FSTL5: variants seen among roughly 807,000 people sequenced by gnomAD.
FSTL5 encodes follistatin-related protein 5.
In FSTL5, 62 loss-of-function variants were observed where a neutral mutation model predicts 89.1. The observed-to-expected ratio is 0.70, with a 90% CI of 0.57 to 0.86. The LOEUF is 0.86. Among genes scored for constraint, FSTL5 ranks in the 40% least tolerant of loss-of-function variants. The pLI is 0.00. For synonymous variants in FSTL5, 383 were observed against 346.2 expected (o/e 1.11, Z -1.18); for missense variants, 1,057 against 1,001.6 (o/e 1.06, Z -0.75).
Position 161,479,133 on chromosome 4 carries a change from G to A in FSTL5, c.1608+1887C>T, listed in dbSNP as rs1391675536. 3.9e-5 allele frequency among the ~76,000 whole-genome samples: 6 copies of A among 152,076 alleles called. No homozygotes were observed. In the East Asian group the frequency reaches 1.2e-3, roughly 29 times the overall value. On this transcript the variant is annotated intron_variant, in intron 13 of 15. Transcript: ENST00000306100. Reference sequence around the variant, plus strand: ...CCCCAATTTATCAACCTATAAAAATGTGTTTAGATACTAAGTTGAAAAATC... The same window carrying A: ...CCCCAATTTATCAACCTATAAAAATATGTTTAGATACTAAGTTGAAAAATC...
chr4:161,562,355 A>G (rs983988268), intron 8 of FSTL5, among the ~76,000 whole-genome samples: 1 of 151,992 alleles, frequency 6.6e-6, no homozygotes, highest in Non-Finnish European at 1.5e-5. Context: ...TAGCCTGTCA[A>G]TTTCTGACAG....
At chr4:161,896,089 G>C (rs1297655764) in intron 4 of FSTL5, among the ~76,000 whole-genome samples, 2 of 152,000 alleles carry the variant, frequency 1.3e-5, no homozygotes, top group Non-Finnish European at 1.5e-5. Flanking sequence ...TCAAATATCT[G>C]TTTAGCCTTC....
rs181895859 is a variant in FSTL5 at position 161,902,870 on chromosome 4, A to C, written c.409+17534T>G. On this transcript the variant is annotated intron_variant, in intron 4 of 15. Transcript: ENST00000306100. ...TCTCAAAATAATAACAATAATAATA[A>C]TTTCCAAAATAAAAACTTCTGTGGG... is the stretch of plus-strand genomic sequence containing the variant. 9.0e-4 allele frequency among the ~76,000 whole-genome samples: 137 copies of C among 152,164 alleles called. 1 individual carries two copies. Among genetic ancestry groups the C allele is most frequent in the African/African-American group, 3.0e-3 (124 of 41,514 alleles).
intron 8 of FSTL5, among the ~76,000 whole-genome samples, chr4:161,569,953 G>C (rs532492819): frequency 1.3e-5 from 2 of 152,272 alleles, no homozygotes; most frequent in African/African-American, 4.8e-5. Context: ...GGAGGAGAAA[G>C]AATGGATACG....
At chr4:161,462,419 A>G (rs189702205) in intron 13 of FSTL5, among the ~76,000 whole-genome samples, 33 of 152,354 alleles carry the variant, frequency 2.2e-4, no homozygotes, top group Admixed American at 5.9e-4. Context: ...GCAAGCAATA[A>G]AATCCTAATG....
At chr4:161,919,938 T>C (rs1367190584) in intron 4 of FSTL5, among the ~76,000 whole-genome samples, 3 of 152,228 alleles carry the variant, frequency 2.0e-5, no homozygotes, top group Non-Finnish European at 1.5e-5. Flanking sequence ...CTTCTAGTTA[T>C]TTCAGTGGGC....
At chr4:161,556,395 A>G (rs1199404239) in intron 8 of FSTL5, among the ~76,000 whole-genome samples, 1 of 151,580 alleles carries the variant, frequency 6.6e-6, no homozygotes, top group African/African-American at 2.4e-5. Flanking sequence ...CCGTTTGTGT[A>G]AGAAACAGAA....
intron 3 of FSTL5, among the ~76,000 whole-genome samples, chr4:161,973,545 T>C (rs1341212710): frequency 1.3e-5 from 2 of 152,228 alleles, no homozygotes; most frequent in South Asian, 2.1e-4. Context: ...TTATGTATAA[T>C]GCCATAAGAT....
intron 2 of FSTL5, among the ~76,000 whole-genome samples, chr4:162,061,939 T>C (rs1352680638): frequency 6.6e-6 from 1 of 152,094 alleles, no homozygotes; most frequent in Admixed American, 6.6e-5. Context: ...ATTTAAAAAA[T>C]GTAAATAGTG....
chr4:161,666,343 C>A (rs979011110), intron 6 of FSTL5, among the ~76,000 whole-genome samples: 1 of 152,016 alleles, frequency 6.6e-6, no homozygotes, highest in Non-Finnish European at 1.5e-5. Context: ...AAAATTTAAG[C>A]CAAAACCCTT....
In FSTL5 at chr4:162,063,191, T is replaced by C. The variant is rs554435366; in HGVS notation, c.127-29533A>G. ...ATTTGTTGTTATTGTCTCATTTCATTAGATTTTCCCTCTTCCCCTTTTTTC... is the reference window on the plus strand; with the variant it reads ...ATTTGTTGTTATTGTCTCATTTCATCAGATTTTCCCTCTTCCCCTTTTTTC... On this transcript the variant is annotated intron_variant, in intron 2 of 15. Transcript: ENST00000306100. 4.6e-5 allele frequency among the ~76,000 whole-genome samples: 7 copies of C among 151,982 alleles called. No homozygotes were observed. In the East Asian group the frequency reaches 1.4e-3, roughly 29 times the overall value.
chr4:161,454,919 T>C, intron 15 of FSTL5, 85 bp downstream of exon 15: 6 of 1,281,024 alleles, frequency 4.7e-6, no homozygotes, highest in Non-Finnish European at 6.6e-6. Context: ...TTGTTTCATA[T>C]CTAAGTTTCT....
intron 13 of FSTL5, among the ~76,000 whole-genome samples, chr4:161,469,295 A>G (rs535828750): frequency 1.2e-4 from 18 of 152,292 alleles, no homozygotes; most frequent in African/African-American, 4.3e-4. Context: ...TTGCATTTAT[A>G]AAGCATATTT....
chr4:161,764,691 A>C (rs1249997974), intron 5 of FSTL5, among the ~76,000 whole-genome samples: 1 of 152,164 alleles, frequency 6.6e-6, no homozygotes, highest in East Asian at 1.9e-4. Flanking sequence ...AGTTGAAGAG[A>C]TATCATTATT....
At chr4:161,919,801 T>C (rs1733941629) in intron 4 of FSTL5, among the ~76,000 whole-genome samples, 1 of 139,396 alleles carries the variant, frequency 7.2e-6, no homozygotes, top group Non-Finnish European at 1.6e-5. Context: ...AAAAATAATG[T>C]ATGGAATTAC....
At chr4:161,559,412 C>T (rs1732508911) in intron 8 of FSTL5, among the ~76,000 whole-genome samples, 1 of 151,468 alleles carries the variant, frequency 6.6e-6, no homozygotes, top group Non-Finnish European at 1.5e-5. Context: ...TACTTTTCTT[C>T]ATTGTCCTTT....
intron 4 of FSTL5, among the ~76,000 whole-genome samples, chr4:161,828,674 G>A (rs1484722376): frequency 6.7e-6 from 1 of 149,194 alleles, no homozygotes; most frequent in Non-Finnish European, 1.5e-5. Context: ...TCTGGGGATT[G>A]AGTCATATAT....
chr4:161,920,521 T>G lies in FSTL5; in HGVS notation c.292A>C (p.Lys98Gln), dbSNP rs1733964188. The G allele has an allele frequency of 1.9e-6, 3 of 1,614,076 alleles. No homozygotes were observed. In the East Asian group the frequency reaches 6.7e-5, roughly 36 times the overall value. Residue 98 changes from lysine to glutamine, a missense_variant, in exon 4 of 16, where the codon AAA (lysine) becomes CAA (glutamine). Coordinates refer to ENST00000306100, the MANE Select transcript of FSTL5 (RefSeq NM_020116.5). ...ACMDLCKRHY[K>Q]PVCGSDGEFY... Reference sequence around the variant, plus strand: ...TCTCCGTCAGATCCACACACAGGTTTGTAGTGACGTTTGCAAAGGTCCATA... The same window carrying G: ...TCTCCGTCAGATCCACACACAGGTTGGTAGTGACGTTTGCAAAGGTCCATA...
chr4:161,834,014 C>A (rs1307892470), intron 4 of FSTL5, among the ~76,000 whole-genome samples: 1 of 151,908 alleles, frequency 6.6e-6, no homozygotes, highest in African/African-American at 2.4e-5. Flanking sequence ...GAGAATTTTA[C>A]ACCAATATCC....
Sources: gnomAD v4.1 joint callset for allele counts (sites outside exome capture counted in the v4.1 genomes callset) on GRCh38, gnomAD v4.1.1 for gene constraint, MANE v1.5 for transcripts, NCBI Gene and HGNC (gene_info 2026-07-23, HGNC 2026-07-21) for gene names.